Variants in HDAC11 observed in about 807,000 individuals in gnomAD.
HDAC11 encodes the protein histone deacetylase 11.
In HDAC11, 23 loss-of-function variants were observed where a neutral mutation model predicts 41.1. The observed-to-expected ratio is 0.56, with a 90% CI of 0.40 to 0.79. The LOEUF is 0.79. Among genes scored for constraint, HDAC11 ranks in the 30% least tolerant of loss-of-function variants. The pLI, the probability that HDAC11 is intolerant of heterozygous loss-of-function variation, is 0.00. For synonymous variants in HDAC11, 187 were observed against 186.6 expected, an observed-to-expected ratio of 1.00 and a Z score of -0.02; for missense variants, 402 against 477.3, an observed-to-expected ratio of 0.84 and a Z score of 1.47.
intron 3 of HDAC11, among the ~76,000 whole-genome samples, chr3:13,488,768 C>T (rs1701712892): frequency 6.6e-6 from 1 of 152,120 alleles, no homozygotes; most frequent in South Asian, 2.1e-4. Flanking sequence ...GGGGTATACA[C>T]CTAGGAGTAG....
intron 8 of HDAC11, 78 bp downstream of exon 8, chr3:13,503,058 G>A: frequency 9.1e-7 from 1 of 1,100,612 alleles, no homozygotes; most frequent in Non-Finnish European, 1.4e-6. Context: ...CTGTCTGCTA[G>A]GCCCTGCAGA....
chr3:13,481,596 C>T (rs1224336702), intron 2 of HDAC11, among the ~76,000 whole-genome samples: 1 of 152,216 alleles, frequency 6.6e-6, no homozygotes, highest in East Asian at 1.9e-4. Flanking sequence ...CAGACTCTCC[C>T]TGGCTCCCCA....
intron 5 of HDAC11, among the ~76,000 whole-genome samples, chr3:13,500,153 G>A (rs1559379788): frequency 6.6e-6 from 1 of 151,928 alleles, no homozygotes; most frequent in South Asian, 2.1e-4. Context: ...GCAGTTGTTG[G>A]GCTCAATTTC....
intron 4 of HDAC11, among the ~76,000 whole-genome samples, chr3:13,497,830 T>C (rs534628338): frequency 1.1e-3 from 169 of 151,518 alleles, no homozygotes; most frequent in African/African-American, 4.0e-3. Context: ...TTTCAGTATT[T>C]AGTCTACTAT....
At chr3:13,489,577 G>A (rs754394201) in intron 3 of HDAC11, among the ~76,000 whole-genome samples, 3 of 152,152 alleles carry the variant, frequency 2.0e-5, no homozygotes, top group Non-Finnish European at 4.4e-5. Flanking sequence ...TGGTTTGTTT[G>A]TTTAAGAAAG....
chr3:13,497,240 G>A (rs1702143155), intron 4 of HDAC11, among the ~76,000 whole-genome samples: 1 of 151,382 alleles, frequency 6.6e-6, no homozygotes, highest in Non-Finnish European at 1.5e-5. Flanking sequence ...GTGCAGTGGT[G>A]TGATCTTGGC....
Position 13,486,571 on chromosome 3 carries a change from GTTTTT to G in HDAC11, c.252+3027_252+3031del, listed in dbSNP as rs767002835. 9.5e-3 allele frequency among the ~76,000 whole-genome samples: 792 copies of G among 83,102 alleles called. 4 individuals carry two copies. Among genetic ancestry groups the G allele is most frequent in the Admixed American group, 0.015 (93 of 6,068 alleles). The allele number at this position is 83,102 out of a possible 152,430, so 54.5% of individuals were successfully genotyped here. A position where few individuals can be genotyped will look rare whatever the true frequency, so the allele number is the denominator to read the frequency against. On this transcript the variant is annotated intron_variant, in intron 3 of 9. Coordinates refer to ENST00000295757, the MANE Select transcript of HDAC11 (RefSeq NM_024827.4). ...GAGCAGGTGATACTCATGTAGAGGT[GTTTTT>G]TTTTTTTTTTTTTTTTTTTGGAGAA... is the stretch of plus-strand genomic sequence containing the variant.
chr3:13,501,943 C>G lies in HDAC11; in HGVS notation c.552+10C>G. 1.2e-6 allele frequency: 2 copies of G among 1,613,036 alleles called. No individual in the cohort carries two copies. Among genetic ancestry groups the G allele is most frequent in the Non-Finnish European group, 1.7e-6 (2 of 1,179,148 alleles). ...TCTTGATGCCCATCAGGTGAGTGCC[C>G]TGCAGGGGCTGGACTCTTAGGGGAC... On this transcript the variant is annotated intron_variant, in intron 7 of 9. Transcript: ENST00000295757.
At chr3:13,498,004 C>T (rs567394816) in intron 4 of HDAC11, among the ~76,000 whole-genome samples, 180 of 151,850 alleles carry the variant, frequency 1.2e-3, no homozygotes, top group African/African-American at 4.0e-3. Context: ...TACAGGCACA[C>T]GCCACTCTGC....
chr3:13,486,502 G>C (rs1262224472), intron 3 of HDAC11, among the ~76,000 whole-genome samples: 1 of 151,384 alleles, frequency 6.6e-6, no homozygotes, highest in Non-Finnish European at 1.5e-5. Context: ...TGGTCAGGGA[G>C]GGCCTCACAG....
At chr3:13,501,161 T>C (rs895763635) in intron 6 of HDAC11, among the ~76,000 whole-genome samples, 2 of 152,196 alleles carry the variant, frequency 1.3e-5, no homozygotes, top group Non-Finnish European at 2.9e-5. Context: ...CAGTTCTGCA[T>C]GCTCCAACCC....
In HDAC11 at chr3:13,480,418, G is replaced by T; in HGVS notation, c.2+69G>T. 1.0e-6 allele frequency: 1 copy of T among 995,386 alleles called. No individual in the cohort carries two copies. Among genetic ancestry groups the T allele is most frequent in the South Asian group, 4.9e-5 (1 of 20,210 alleles). 61.7% of individuals were successfully genotyped at this position (995,386 alleles called of 1,614,324 possible). ...CCGGTGGGCGGGCGCGCTAGGGCGA[G>T]GGCGGGGACGGCCGGGCGGGCGCGC... On this transcript the variant is annotated intron_variant, in intron 1 of 9. Coordinates refer to ENST00000295757, the MANE Select transcript of HDAC11 (RefSeq NM_024827.4). The surrounding 1 kb of genome is among the most constrained non-coding windows in gnomAD (Gnocchi z 4.6).
At chr3:13,503,134 G>A (rs957704017) in intron 8 of HDAC11, 154 bp downstream of exon 8, 23 of 547,308 alleles carry the variant, frequency 4.2e-5, no homozygotes, top group East Asian at 9.1e-5. Context: ...TGAGGAAACC[G>A]AGACCTGGAG....
In HDAC11 at chr3:13,489,838, G is replaced by T. The variant is rs144314427; in HGVS notation, c.252+6274G>T. 2.9e-4 allele frequency among the ~76,000 whole-genome samples: 44 copies of T among 152,178 alleles called. No homozygotes were observed. In the East Asian group the frequency reaches 6.6e-3, roughly 23 times the overall value. On this transcript the variant is annotated intron_variant, in intron 3 of 9. Coordinates refer to ENST00000295757, the MANE Select transcript of HDAC11 (RefSeq NM_024827.4). Reference sequence around the variant, plus strand: ...TCACCTCGGCCTCTCAAAGTACTGGGATTACAGGCATGTGTGAGCCACTGC... The same window carrying T: ...TCACCTCGGCCTCTCAAAGTACTGGTATTACAGGCATGTGTGAGCCACTGC...
At chr3:13,503,153 C>G in intron 8 of HDAC11, 173 bp downstream of exon 8, 1 of 515,346 alleles carries the variant, frequency 1.9e-6, no homozygotes, top group Non-Finnish European at 3.5e-6. Flanking sequence ...AGAAGTCACT[C>G]GACCCACCCA....
At chr3:13,485,204 C>G (rs1701502913) in intron 3 of HDAC11, among the ~76,000 whole-genome samples, 1 of 152,224 alleles carries the variant, frequency 6.6e-6, no homozygotes, top group South Asian at 2.1e-4. Context: ...CAACCGCAGC[C>G]TGAGGTGTGA....
rs1185345846 is a variant in HDAC11, at chr3:13,484,459, T to C, written c.252+895T>C. 3.9e-5 allele frequency among the ~76,000 whole-genome samples: 6 copies of C among 152,278 alleles called. No homozygotes were observed. In the East Asian group the frequency reaches 1.2e-3, roughly 29 times the overall value. ...AAGGGGCGGCTCCTCAGCTCCACTGTGGGCCCGGCATGGCCAGAGCACCTG... is the reference window on the plus strand; with the variant it reads ...AAGGGGCGGCTCCTCAGCTCCACTGCGGGCCCGGCATGGCCAGAGCACCTG... On this transcript the variant is annotated intron_variant, in intron 3 of 9. Coordinates refer to ENST00000295757, the MANE Select transcript of HDAC11 (RefSeq NM_024827.4).
intron 8 of HDAC11, 126 bp downstream of exon 8, chr3:13,503,106 T>A: frequency 1.5e-6 from 1 of 652,830 alleles, no homozygotes; most frequent in Non-Finnish European, 2.7e-6. Context: ...TGTGAGGTGA[T>A]CCTTTCCATT....
rs537413490 is a variant in HDAC11, at chr3:13,496,970, T to C, written c.369+118T>C. The C allele has an allele frequency of 5.0e-4, 263 of 525,754 alleles. 3 individuals are homozygous for C. The South Asian group carries it at 7.2e-3, about 14-fold the overall frequency. 32.6% of individuals were successfully genotyped at this position (525,754 alleles called of 1,614,324 possible). ...TAGTAGTTGAACAGAATCCTAAATA[T>C]TCCTCAAGGCTCGGCAACAATGACC... On this transcript the variant is annotated intron_variant, in intron 4 of 9. Coordinates refer to ENST00000295757, the MANE Select transcript of HDAC11 (RefSeq NM_024827.4).
Sources: allele counts gnomAD v4.1 joint callset (sites outside exome capture counted in the v4.1 genomes callset), GRCh38; gene constraint gnomAD v4.1.1; non-coding constraint Gnocchi (gnomAD v3.1); transcripts MANE v1.5; gene names NCBI Gene and HGNC (gene_info 2026-07-23, HGNC 2026-07-21).